Variants in RPS6KA5 observed in about 807,000 individuals in gnomAD.
The protein encoded by RPS6KA5 is ribosomal protein S6 kinase alpha-5.
RPS6KA5 carries 27 observed loss-of-function variants against 85.5 expected under a neutral mutation model. The observed-to-expected ratio is 0.32, with a 90% confidence interval of 0.23 to 0.44. The LOEUF is 0.44. Among genes scored for constraint, RPS6KA5 ranks in the 20% least tolerant of loss-of-function variants. The pLI, the probability that RPS6KA5 is intolerant of heterozygous loss-of-function variation, is 1.00. For synonymous variants in RPS6KA5, 334 were observed against 348.2 expected (o/e 0.96, Z 0.46); for missense variants, 811 against 980.9 (o/e 0.83, Z 2.31).
At chr14:90,912,508 T>C (rs1216666256) in intron 7 of RPS6KA5, among the ~76,000 whole-genome samples, 1 of 152,222 alleles carries the variant, frequency 6.6e-6, no homozygotes, top group Non-Finnish European at 1.5e-5. Flanking sequence ...TAAAACTGCA[T>C]ATGCTACCAC....
rs1309517240 is a variant in RPS6KA5 at position 90,851,760 on chromosome 14, G to C, written c.*20314C>G. The stretch of plus-strand genomic sequence containing the variant: ...ATGAAGGTATTTCTCTTTAGATACT[G>C]GTAGATATCATTAGTAAAAACTGAA... On this transcript the variant is annotated 3_prime_UTR_variant, in exon 17 of 17. Coordinates refer to ENST00000614987, the MANE Select transcript of RPS6KA5 (RefSeq NM_004755.4). The C allele has an allele frequency of 1.3e-5, 2 of 152,136 alleles. No homozygotes were observed. The highest frequency in any genetic ancestry group is 2.9e-5 in the Non-Finnish European group (2 of 68,028). 9.4% of individuals were successfully genotyped at this position (152,136 alleles called of 1,614,324 possible). A position where few individuals can be genotyped will look rare whatever the true frequency, so the allele number is the denominator to read the frequency against.
intron 15 of RPS6KA5, among the ~76,000 whole-genome samples, chr14:90,874,192 G>A (rs1017119063): frequency 6.6e-6 from 1 of 152,232 alleles, no homozygotes; most frequent in Non-Finnish European, 1.5e-5. Context: ...ATATGGAGAT[G>A]GAGATGCAGA....
rs78409439 is a variant in RPS6KA5, at chr14:90,870,805, C to CTTTTTT, written c.*1263_*1268dup. 200 of 85,774 alleles carry CTTTTTT rather than the reference C, an allele frequency of 2.3e-3. 2 individuals are homozygous for CTTTTTT. Among genetic ancestry groups the CTTTTTT allele is most frequent in the African/African-American group, 4.3e-3 (94 of 21,726 alleles). The allele number at this position is 85,774 out of a possible 1,614,324, so 5.3% of individuals were successfully genotyped here. A position where few individuals can be genotyped will look rare whatever the true frequency, so the allele number is the denominator to read the frequency against. ...ATATAACACACAAACCCTATCACTT[C>CTTTTTT]TTTTTTTTTTTTTTTTTTTTTTGCA... On this transcript the variant is annotated 3_prime_UTR_variant, in exon 17 of 17. Transcript: ENST00000614987.
chr14:91,052,416 C>T (rs562385020), intron 1 of RPS6KA5: 8 of 366,336 alleles, frequency 2.2e-5, no homozygotes, highest in African/African-American at 9.4e-5. Flanking sequence ...TATAGTGAGC[C>T]GAGATCAGCA....
chr14:90,913,708 C>T (rs565735320), intron 7 of RPS6KA5, among the ~76,000 whole-genome samples: 1 of 152,324 alleles, frequency 6.6e-6, no homozygotes, highest in African/African-American at 2.4e-5. Flanking sequence ...ACCTTTACTT[C>T]TCCAATCATT....
At chr14:91,010,252 C>T (rs544791128) in intron 1 of RPS6KA5, among the ~76,000 whole-genome samples, 1 of 152,140 alleles carries the variant, frequency 6.6e-6, no homozygotes, top group Middle Eastern at 3.4e-3. Flanking sequence ...TGTATGATGA[C>T]CTACCTTGAC....
At chr14:91,044,660 T>C (rs982141987) in intron 1 of RPS6KA5, among the ~76,000 whole-genome samples, 16 of 151,580 alleles carry the variant, frequency 1.1e-4, no homozygotes, top group African/African-American at 3.6e-4. Flanking sequence ...AATCACGAGG[T>C]CAGCAGTTCG....
Position 90,883,583 on chromosome 14 carries a change from C to T in RPS6KA5, c.1836+6904G>A, listed in dbSNP as rs79139140. ...TTTAGGTCTTTCAATGTCTTTAACACAGTTGTTTTAAGTCTTTGTCTAGGT... is the reference window on the plus strand; with the variant it reads ...TTTAGGTCTTTCAATGTCTTTAACATAGTTGTTTTAAGTCTTTGTCTAGGT... On this transcript the variant is annotated intron_variant, in intron 14 of 16. Coordinates refer to ENST00000614987, the MANE Select transcript of RPS6KA5 (RefSeq NM_004755.4). Among the ~76,000 whole-genome samples, 38 of 152,202 alleles carry T rather than the reference C, an allele frequency of 2.5e-4. No homozygotes were observed. The East Asian group carries it at 7.1e-3, about 29-fold the overall frequency.
In RPS6KA5 at chr14:90,872,333, A is replaced by G. The variant is rs769325735; in HGVS notation, c.2161-11T>C. On this transcript the variant is annotated splice_polypyrimidine_tract_variant and intron_variant, in intron 16 of 16. Transcript: ENST00000614987. The stretch of plus-strand genomic sequence containing the variant: ...GTATTTGTTAAAGGCCTGGCGGGGG[A>G]AAAAAAGGGAACCCCTGTGAAGGTA... 4.4e-6 allele frequency: 7 copies of G among 1,591,934 alleles called. No individual in the cohort carries two copies. Among genetic ancestry groups the G allele is most frequent in the South Asian group, 1.1e-5 (1 of 87,812 alleles).
intron 14 of RPS6KA5, among the ~76,000 whole-genome samples, chr14:90,875,600 C>G (rs1348741093): frequency 1.3e-5 from 2 of 152,040 alleles, no homozygotes; most frequent in Non-Finnish European, 2.9e-5. Flanking sequence ...GACACATGCA[C>G]ACGTATGTTT....
At chr14:90,931,964 A>C (rs1002211226) in intron 5 of RPS6KA5, among the ~76,000 whole-genome samples, 5 of 152,250 alleles carry the variant, frequency 3.3e-5, no homozygotes, top group Non-Finnish European at 7.3e-5. Flanking sequence ...TGGTAATAGT[A>C]TATATTGTTT....
At chr14:90,999,849 G>A (rs979557062) in intron 2 of RPS6KA5, among the ~76,000 whole-genome samples, 2 of 152,180 alleles carry the variant, frequency 1.3e-5, no homozygotes, top group African/African-American at 4.8e-5. Flanking sequence ...CAGCGAAAGC[G>A]GTGGTAGCAA....
At chr14:91,057,209 T>G (rs1291699985) in intron 1 of RPS6KA5, among the ~76,000 whole-genome samples, 1 of 152,092 alleles carries the variant, frequency 6.6e-6, no homozygotes, top group Non-Finnish European at 1.5e-5. Flanking sequence ...GACATTTTCT[T>G]AGACATACAT....
rs755997506 is a variant in RPS6KA5 at position 90,984,766 on chromosome 14, T to TA, written c.176-6243dup. ...ACTTATGGCTATAATAAAGAAAAGTTAAAAATGACTGACAGTTTTAAAACA... is the reference window on the plus strand; with the variant it reads ...ACTTATGGCTATAATAAAGAAAAGTTAAAAAATGACTGACAGTTTTAAAACA... On this transcript the variant is annotated intron_variant, in intron 2 of 16. Coordinates refer to ENST00000614987, the MANE Select transcript of RPS6KA5 (RefSeq NM_004755.4). 1.2e-3 allele frequency among the ~76,000 whole-genome samples: 186 copies of TA among 152,354 alleles called. 3 individuals carry two copies. Among genetic ancestry groups the TA allele is most frequent in the Non-Finnish European group, 1.6e-3 (111 of 68,036 alleles).
intron 3 of RPS6KA5, among the ~76,000 whole-genome samples, chr14:90,951,936 C>A (rs552930339): frequency 7.2e-5 from 11 of 152,304 alleles, no homozygotes; most frequent in African/African-American, 2.4e-4. Flanking sequence ...GTGATTCTGA[C>A]CACCAAGATA....
Position 90,858,424 on chromosome 14 carries a change from C to T in RPS6KA5, c.*13650G>A, listed in dbSNP as rs779051771. 3 of 151,954 alleles carry T rather than the reference C, an allele frequency of 2.0e-5. No individual in the cohort carries two copies. Among genetic ancestry groups the T allele is most frequent in the Non-Finnish European group, 4.4e-5 (3 of 68,020 alleles). 9.4% of individuals were successfully genotyped at this position (151,954 alleles called of 1,614,324 possible). A position where few individuals can be genotyped will look rare whatever the true frequency, so the allele number is the denominator to read the frequency against. On this transcript the variant is annotated 3_prime_UTR_variant, in exon 17 of 17. Coordinates refer to ENST00000614987, the MANE Select transcript of RPS6KA5 (RefSeq NM_004755.4). ...TCTAGGATTCGACATTTTCAGCGAT[C>T]GAGAATTATTATACTTTGTAAATGG...
In RPS6KA5 at chr14:90,957,819, G is replaced by GT. The variant is rs1285986922; in HGVS notation, c.395-10270dup. On this transcript the variant is annotated intron_variant, in intron 3 of 16. Transcript: ENST00000614987. The stretch of plus-strand genomic sequence containing the variant: ...ATTGCTTACCACCAAAATTTCCTTT[G>GT]TTTTTTTTTTTTCCTTTTTCCAAAA... 3.6e-3 allele frequency among the ~76,000 whole-genome samples: 511 copies of GT among 141,678 alleles called. 1 individual carries two copies. The highest frequency in any genetic ancestry group is 7.5e-3 in the African/African-American group (292 of 38,824). The allele number at this position is 141,678 out of a possible 152,430, so 92.9% of individuals were successfully genotyped here.
At chr14:90,951,850 A>G (rs946006357) in intron 3 of RPS6KA5, among the ~76,000 whole-genome samples, 1 of 152,050 alleles carries the variant, frequency 6.6e-6, no homozygotes, top group Non-Finnish European at 1.5e-5. Context: ...GAAATTGGCT[A>G]TTGCCATGTC....
At chr14:90,928,014 C>T (rs2036773684) in intron 5 of RPS6KA5, among the ~76,000 whole-genome samples, 1 of 149,758 alleles carries the variant, frequency 6.7e-6, no homozygotes, top group African/African-American at 2.5e-5. Flanking sequence ...CAGCTCACTG[C>T]AGTTTTGACT....
Sources: gnomAD v4.1 joint callset for allele counts (sites outside exome capture counted in the v4.1 genomes callset) on GRCh38, gnomAD v4.1.1 for gene constraint, MANE v1.5 for transcripts, NCBI Gene and HGNC (gene_info 2026-07-23, HGNC 2026-07-21) for gene names.